Variants in AVEN observed in about 807,000 individuals in gnomAD.
The protein encoded by AVEN is apoptosis and caspase activation inhibitor, also known as cell death regulator Aven.
Under a neutral mutation model 38.1 loss-of-function variants are expected in AVEN, and 41 were observed. The observed-to-expected ratio is 1.08, with a 90% CI of 0.84 to 1.40. The LOEUF is 1.40. AVEN is among the 40% of genes most tolerant of loss of function. The probability of loss-of-function intolerance (pLI) is 0.00; values close to 1 mark genes in which losing one functional copy is unlikely to be tolerated. For synonymous variants in AVEN, 206 were observed against 171.8 expected, an observed-to-expected ratio of 1.20 and a Z score of -1.56; for missense variants, 605 against 438.8, an observed-to-expected ratio of 1.38 and a Z score of -3.38.
intron 2 of AVEN, among the ~76,000 whole-genome samples, chr15:33,914,161 C>A (rs1360041614): frequency 5.1e-5 from 1 of 19,646 alleles, no homozygotes; most frequent in Non-Finnish European, 1.3e-4. Context: ...TTTAATATAA[C>A]CCCCCCCCAA....
At chr15:33,924,156 G>A (rs916792478) in intron 2 of AVEN, among the ~76,000 whole-genome samples, 2 of 151,836 alleles carry the variant, frequency 1.3e-5, no homozygotes, top group African/African-American at 4.8e-5. Context: ...CTAATGCATA[G>A]TATTTCTGTC....
intron 2 of AVEN, among the ~76,000 whole-genome samples, chr15:33,933,522 CACAGAGAGAGAGAG>C (rs1470964651): frequency 0.037 from 1,930 of 52,350 alleles, 9 homozygotes; most frequent in East Asian, 0.085. Context: ...CACACACACA[CACAGAGAGAGAGAG>C]AGAGAGAGAG....
At chr15:33,863,379 C>T (rs1332386227), downstream of AVEN, among the ~76,000 whole-genome samples, 1 of 152,176 alleles carries the variant, frequency 6.6e-6, no homozygotes, top group African/African-American at 2.4e-5. Flanking sequence ...GCTCTATACA[C>T]TATACCACCA....
chr15:33,934,580 TGTGAA>T (rs537252971), intron 2 of AVEN, among the ~76,000 whole-genome samples: 1,679 of 152,318 alleles, frequency 0.011, 35 homozygotes, highest in African/African-American at 0.037. Flanking sequence ...CTGCAAACTC[TGTGAA>T]GTGGAGTCTC....
chr15:33,899,864 G>T (rs547494776), intron 2 of AVEN, among the ~76,000 whole-genome samples: 1 of 151,724 alleles, frequency 6.6e-6, no homozygotes, highest in Non-Finnish European at 1.5e-5. Flanking sequence ...CTTCCTTCCA[G>T]AAGTATGTTC....
At chr15:33,854,203 A>AG (rs1289048452), downstream of AVEN, among the ~76,000 whole-genome samples, 5 of 151,566 alleles carry the variant, frequency 3.3e-5, no homozygotes, top group Non-Finnish European at 7.4e-5. Flanking sequence ...TTCAAAAAAA[A>AG]AAAAAAATTC....
chr15:33,862,008 A>T (rs1378958010), downstream of AVEN, among the ~76,000 whole-genome samples: 1 of 152,080 alleles, frequency 6.6e-6, no homozygotes, highest in African/African-American at 2.4e-5. Flanking sequence ...ACGGTAAAGC[A>T]TTCACTGAAT....
chr15:34,068,971 C>T (rs934556607), intron 2 of AVEN, among the ~76,000 whole-genome samples: 1 of 151,952 alleles, frequency 6.6e-6, no homozygotes, highest in East Asian at 2.0e-4. Context: ...GCCACCACGC[C>T]CGGCTAATTT....
downstream of AVEN, chr15:33,854,479 C>G (rs764181092): frequency 5.3e-5 from 81 of 1,527,074 alleles, no homozygotes; most frequent in Non-Finnish European, 7.0e-5. Context: ...AAACAAAATT[C>G]TATACCCCAG....
chr15:33,858,884 ACT>A (rs1377795451), exon 12 of AVEN: 1 of 151,514 alleles, frequency 6.6e-6, no homozygotes, highest in African/African-American at 2.4e-5. Context: ...TTGACGAAAA[ACT>A]CTCCATGTGC....
At chr15:33,978,677 A>T (rs1896001021) in intron 2 of AVEN, among the ~76,000 whole-genome samples, 1 of 151,962 alleles carries the variant, frequency 6.6e-6, no homozygotes, top group African/African-American at 2.4e-5. Context: ...TAAATAAATA[A>T]ATAAATAAAA....
chr15:33,904,993 T>C (rs7403637), intron 2 of AVEN, among the ~76,000 whole-genome samples: 1 of 151,380 alleles, frequency 6.6e-6, no homozygotes, highest in South Asian at 2.1e-4. Context: ...GGCCGGGTGT[T>C]GTGGCACACG....
intron 2 of AVEN, among the ~76,000 whole-genome samples, chr15:33,961,657 CA>C (rs1288522528): frequency 2.0e-5 from 3 of 151,202 alleles, no homozygotes; most frequent in Non-Finnish European, 4.4e-5. Flanking sequence ...ACTAAAAACA[CA>C]AAAAATTAGC....
chr15:33,892,107 T>C (rs918658539), intron 2 of AVEN, among the ~76,000 whole-genome samples: 126 of 152,330 alleles, frequency 8.3e-4, no homozygotes, highest in African/African-American at 2.5e-3. Flanking sequence ...TTTGAGTTAT[T>C]TGTAGATTCT....
At chr15:34,006,997 A>G in intron 1 of AVEN, 1 of 892,482 alleles carries the variant, frequency 1.1e-6, no homozygotes, top group Non-Finnish European at 1.3e-6. Flanking sequence ...ATTTTCATAT[A>G]AATATTGTTA....
chr15:33,917,683 C>G (rs1331275773), intron 2 of AVEN, among the ~76,000 whole-genome samples: 1 of 152,018 alleles, frequency 6.6e-6, no homozygotes, highest in Non-Finnish European at 1.5e-5. Flanking sequence ...ATGGCATTCA[C>G]AGCAACCTGG....
At chr15:33,872,001 C>T (rs1430498139) in intron 3 of AVEN, among the ~76,000 whole-genome samples, 1 of 152,132 alleles carries the variant, frequency 6.6e-6, no homozygotes, top group Admixed American at 6.6e-5. Flanking sequence ...GCCTGGGTAA[C>T]CCAGCTCCCA....
intron 1 of AVEN, among the ~76,000 whole-genome samples, chr15:34,036,949 A>T (rs1408131186): frequency 6.6e-6 from 1 of 152,078 alleles, no homozygotes; most frequent in East Asian, 1.9e-4. Flanking sequence ...ATCTCTATTA[A>T]AAATACAAAA....
At chr15:33,987,801 C>T (rs73385793) in intron 2 of AVEN, among the ~76,000 whole-genome samples, 2,233 of 152,270 alleles carry the variant, frequency 0.015, 70 homozygotes, top group African/African-American at 0.052. Context: ...TCATAATCAG[C>T]GCTGCATGCA....
Sources: gnomAD v4.1 joint callset for allele counts (sites outside exome capture counted in the v4.1 genomes callset) on GRCh38, gnomAD v4.1.1 for gene constraint, MANE v1.5 for transcripts, NCBI Gene and HGNC (gene_info 2026-07-23, HGNC 2026-07-21) for gene names.